The following COL3A1 variants were observed in gnomAD, a reference collection of about 807,000 sequenced individuals.
The protein encoded by COL3A1 is collagen type III alpha 1 chain.
COL3A1 carries 46 observed loss-of-function variants against 200.9 expected under a neutral mutation model. That is an observed-to-expected ratio of 0.23 (90% CI 0.18 to 0.29). COL3A1 has a LOEUF of 0.29. Ranked by LOEUF, COL3A1 falls within the 10% of genes least tolerant of loss-of-function variation. The pLI is 1.00. For synonymous variants in COL3A1, 650 were observed against 628.0 expected (o/e 1.03, Z -0.52); for missense variants, 1,367 against 1,917.6 (o/e 0.71, Z 5.36).
chr2:188,988,222 A>T (rs1167246942), intron 6 of COL3A1, 88 bp downstream of exon 6: 1 of 1,151,512 alleles, frequency 8.7e-7, no homozygotes, highest in Non-Finnish European at 1.3e-6. Context: ...CCATTCCAGC[A>T]TGCATAATCC....
At position 189,010,320 on chromosome 2, in the gene COL3A1, G is replaced by C; in HGVS notation, c.3966G>C (p.Glu1322Asp). The change falls in exon 49 of 51, where the codon GAG becomes GAC. Residue 1322 changes from glutamate (E) to aspartate (D), a missense_variant. By Grantham distance (45) the Glu-to-Asp change is conservative (BLOSUM62 2). This residue lies in a region of COL3A1 where 846 missense variants were observed against 1,147.9 expected (regional missense o/e 0.74). Transcript: ENST00000304636. ...ACTGGTGGACAGATTCTAGTGCTGAGAAGAAACACGTTTGGTTTGGAGAGT... is the reference window on the plus strand; with the variant it reads ...ACTGGTGGACAGATTCTAGTGCTGACAAGAAACACGTTTGGTTTGGAGAGT... The part of the protein sequence containing the change: ...RKHWWTDSSA[E>D]KKHVWFGESM... The C allele has an allele frequency of 6.2e-7, 1 of 1,614,150 alleles. No individual in the cohort carries two copies. The highest frequency in any genetic ancestry group is 8.5e-7 in the Non-Finnish European group (1 of 1,179,992).
intron 1 of COL3A1, among the ~76,000 whole-genome samples, chr2:188,982,097 A>G (rs1237205195): frequency 6.6e-6 from 1 of 151,674 alleles, no homozygotes; most frequent in Non-Finnish European, 1.5e-5. Flanking sequence ...GTAAAACAAA[A>G]CATACATGCA....
At chr2:188,999,238 T>C (rs1288170153) in intron 29 of COL3A1, 47 bp from the exon 30 acceptor site, 1 of 1,520,168 alleles carries the variant, frequency 6.6e-7, no homozygotes, top group African/African-American at 1.4e-5. Context: ...TGCTTTGTTT[T>C]TAGCTTTGGG....
intron 47 of COL3A1, 152 bp downstream of exon 47, chr2:189,008,294 C>G: frequency 2.7e-6 from 2 of 733,640 alleles, no homozygotes; most frequent in Admixed American, 4.3e-5. Flanking sequence ...TTCTCCATCA[C>G]ATTAAAAATG....
chr2:188,990,197 A>G, intron 9 of COL3A1, 48 bp downstream of exon 9: 1 of 1,600,152 alleles, frequency 6.2e-7, no homozygotes, highest in Non-Finnish European at 8.6e-7. Context: ...CTTAGCTTGA[A>G]AACTATTATG....
chr2:188,996,011 G>C, intron 22 of COL3A1, 114 bp from the exon 23 acceptor site: 1 of 1,096,978 alleles, frequency 9.1e-7, no homozygotes, highest in Non-Finnish European at 1.4e-6. Context: ...AAAAAGATGT[G>C]CAAATCTGAG....
chr2:188,999,890 C>T lies in COL3A1; in HGVS notation c.2278C>T (p.Pro760Ser). 1 of 1,590,072 alleles carries T rather than the reference C, an allele frequency of 6.3e-7. No homozygotes were observed. The highest frequency in any genetic ancestry group is 8.6e-7 in the Non-Finnish European group (1 of 1,169,272). ...TGATGGTGTCCCAGGGAAAGATGGC[C>T]CAAGGGTGAGTATTCCCAGTGAGGA... ...GADGVPGKDGPRGPTGPIGPP... is the reference protein window; with the variant it reads ...GADGVPGKDGSRGPTGPIGPP... Residue 760 changes from proline (P) to serine (S), a missense_variant, in exon 32 of 51, where the codon CCA (proline) becomes TCA (serine). This residue lies in a region of COL3A1 where 846 missense variants were observed against 1,147.9 expected (regional missense o/e 0.74). Transcript: ENST00000304636.
intron 1 of COL3A1, among the ~76,000 whole-genome samples, chr2:188,981,819 T>C (rs1463068881): frequency 1.3e-5 from 2 of 151,612 alleles, no homozygotes; most frequent in Non-Finnish European, 3.0e-5. Flanking sequence ...TTCAGTAGAA[T>C]ATATTGCTAA....
At chr2:188,974,684 C>A in intron 1 of COL3A1, 116 bp downstream of exon 1, 1 of 820,006 alleles carries the variant, frequency 1.2e-6, no homozygotes, top group Non-Finnish European at 2.1e-6. Flanking sequence ...CCTCTATAAG[C>A]TCCAGATTGT....
intron 23 of COL3A1, 28 bp downstream of exon 23, chr2:188,996,206 A>G (rs1486740062): frequency 1.2e-5 from 19 of 1,601,372 alleles, no homozygotes; most frequent in Non-Finnish European, 1.5e-5. Flanking sequence ...ATCTCATTTT[A>G]AAAGGCCAGT....
intron 1 of COL3A1, chr2:188,978,046 C>T (rs928543718): frequency 1.5e-5 from 6 of 389,172 alleles, no homozygotes; most frequent in Non-Finnish European, 3.0e-5. Context: ...GAAAAATGCT[C>T]AGGTAATAAC....
intron 42 of COL3A1, 22 bp downstream of exon 42, chr2:189,006,281 T>C (rs746127936): frequency 1.2e-5 from 19 of 1,613,860 alleles, no homozygotes; most frequent in Admixed American, 1.2e-4. Context: ...ACATGTGCAA[T>C]TGATTTGTGT....
chr2:189,006,968 C>A lies in COL3A1; in HGVS notation c.3233C>A (p.Pro1078His). 1 of 1,613,082 alleles carries A rather than the reference C, an allele frequency of 6.2e-7. No homozygotes were observed. The highest frequency in any genetic ancestry group is 8.5e-7 in the Non-Finnish European group (1 of 1,179,800). ...GCTGGCCCTGCTGGTGCTCCCGGTC[C>A]TGCTGGTTCCCGAGGTGCTCCTGTA... ...GPAGPAGAPG[P>H]AGSRGAPGPQ... Residue 1078 changes from proline to histidine, a missense_variant, in exon 44 of 51, where the codon CCT becomes CAT. Physicochemically the swap from Pro to His is moderately conservative, Grantham distance 77. This residue lies in a region of COL3A1 where 846 missense variants were observed against 1,147.9 expected (regional missense o/e 0.74). Transcript: ENST00000304636.
rs112143266 is a variant in COL3A1, at chr2:188,996,249, AGTGT to A, written c.1662+90_1662+93del. The A allele has an allele frequency of 0.028, 25,223 of 900,250 alleles. 794 individuals are homozygous for A. The highest frequency in any genetic ancestry group is 0.14 in the African/African-American group (7,562 of 52,856). 55.8% of individuals were successfully genotyped at this position (900,250 alleles called of 1,614,324 possible). ...GAATGTATATGTTGGCCTATCCTTG[AGTGT>A]GTGTGTGTGTGTGTGTGTATATATA... On this transcript the variant is annotated intron_variant, in intron 23 of 50. Coordinates refer to ENST00000304636, the MANE Select transcript of COL3A1 (RefSeq NM_000090.4).
Position 188,991,686 on chromosome 2 carries a change from T to G in COL3A1, c.915T>G (p.Pro305=), listed in dbSNP as rs2153502119. 3.7e-6 allele frequency: 6 copies of G among 1,614,014 alleles called. 2 individuals carry two copies. The South Asian group carries it at 6.6e-5, about 18-fold the overall frequency. The part of the protein sequence containing the change: ...APGPMGPRGA[P]GERGRPGLPG... ...CTCTGTAGGGTCCAAGAGGGGCTCC[T>G]GGTGAGCGAGGACGGCCAGGACTTC... The change falls in exon 13 of 51, where the codon CCT becomes CCG. Residue 305 remains proline, a synonymous_variant. Transcript: ENST00000304636.
rs1429850842 is a variant in COL3A1 at position 188,997,212 on chromosome 2, C to G, written c.1809C>G (p.Gly603=). 1 of 1,613,974 alleles carries G rather than the reference C, an allele frequency of 6.2e-7. No individual in the cohort carries two copies. The highest frequency in any genetic ancestry group is 8.5e-7 in the Non-Finnish European group (1 of 1,179,984). Residue 603 remains glycine, a synonymous_variant, in exon 25 of 51, where the codon GGC becomes GGG. Transcript: ENST00000304636. ...AACGAGGTGGCCCTGGAGGACCTGG[C>G]CCTCAGGTACGTAGCTTTCCTCAAT... ...NGERGGPGGP[G]PQGPPGKNGE...
At chr2:188,987,768 C>A (rs1688093836) in intron 5 of COL3A1, among the ~76,000 whole-genome samples, 1 of 151,956 alleles carries the variant, frequency 6.6e-6, no homozygotes, top group East Asian at 1.9e-4. Context: ...GCAATATAAC[C>A]CTAACATTGC....
At chr2:188,995,612 C>T (rs779153845) in intron 21 of COL3A1, 80 bp from the exon 22 acceptor site, 16 of 963,558 alleles carry the variant, frequency 1.7e-5, no homozygotes, top group Non-Finnish European at 2.4e-5. Context: ...ATGACGTCCT[C>T]TCTTTGTAAC....
At chr2:188,992,990 G>A in intron 15 of COL3A1, 50 bp downstream of exon 15, 1 of 1,554,494 alleles carries the variant, frequency 6.4e-7, no homozygotes, top group Non-Finnish European at 8.9e-7. Context: ...GGAGGCAAGA[G>A]AAAAGCATTA....
Sources: allele counts gnomAD v4.1 joint callset (sites outside exome capture counted in the v4.1 genomes callset), GRCh38; gene constraint gnomAD v4.1.1; regional missense constraint gnomAD v4.1.1; transcripts MANE v1.5; gene names NCBI Gene and HGNC (gene_info 2026-07-23, HGNC 2026-07-21).